PTK7: variants seen among roughly 807,000 people sequenced by gnomAD.
PTK7 encodes protein tyrosine kinase 7 (inactive), also known as inactive tyrosine-protein kinase 7.
PTK7 carries 39 observed loss-of-function variants against 116.6 expected under a neutral mutation model. The observed-to-expected ratio is 0.33, with a 90% CI of 0.26 to 0.44. PTK7 has a LOEUF of 0.44. Ranked by LOEUF, PTK7 falls within the 20% of genes least tolerant of loss-of-function variation. The pLI, the probability that PTK7 is intolerant of heterozygous loss-of-function variation, is 1.00. For missense variants in PTK7, 1,169 were observed against 1,425.6 expected (o/e 0.82, Z 2.90); for synonymous variants, 546 against 563.6 (o/e 0.97, Z 0.44).
rs770581737 is a variant in PTK7 at position 43,143,455 on chromosome 6, C to T, written c.2086C>T (p.Pro696Ser). The change falls in exon 14 of 20, where the codon CCT (proline) becomes TCT (serine). Residue 696 changes from proline (P) to serine (S), a missense_variant. Transcript: ENST00000230419. The surrounding 1 kb of genome is among the most constrained non-coding windows in gnomAD (Gnocchi z 4.2). The stretch of plus-strand genomic sequence containing the variant: ...GGAGGAGTCGGAGGGCCCTGGCAGC[C>T]CTCCCCCCTACAAGATGATCCAGAC... ...VPEESEGPGS[P>S]PPYKMIQTIG... 41 of 1,613,918 alleles carry T rather than the reference C, an allele frequency of 2.5e-5. No individual in the cohort carries two copies. The highest frequency in any genetic ancestry group is 3.5e-5 in the Non-Finnish European group (41 of 1,180,026).
At chr6:43,138,087 G>A (rs909539863) in intron 7 of PTK7, among the ~76,000 whole-genome samples, 1 of 152,214 alleles carries the variant, frequency 6.6e-6, no homozygotes, top group Non-Finnish European at 1.5e-5. Context: ...GGGATTACAG[G>A]CGTGAGCCAC....
intron 17 of PTK7, among the ~76,000 whole-genome samples, chr6:43,157,359 TATATATTTTTTTTTTTC>T (rs1411133132): frequency 0.014 from 118 of 8,298 alleles, 10 homozygotes; most frequent in African/African-American, 0.045. Context: ...TATATATATA[TATATATTTTTTTTTTTC>T]TTTTTTTTTT....
chr6:43,088,667 G>A (rs1345213454), intron 1 of PTK7, among the ~76,000 whole-genome samples: 1 of 151,922 alleles, frequency 6.6e-6, no homozygotes, highest in Non-Finnish European at 1.5e-5. Context: ...ATTCCAACCT[G>A]GGTGAGAGTG....
intron 17 of PTK7, among the ~76,000 whole-genome samples, chr6:43,148,265 G>C (rs534127362): frequency 5.9e-5 from 9 of 151,356 alleles, no homozygotes; most frequent in Admixed American, 2.0e-4. Context: ...AGGGAGGGGA[G>C]GGGGGGAAAG....
At chr6:43,096,333 GT>G (rs1767249297) in intron 1 of PTK7, among the ~76,000 whole-genome samples, 2 of 152,060 alleles carry the variant, frequency 1.3e-5, no homozygotes. Context: ...TGTAAATTGG[GT>G]TCTTCACACT....
Position 43,129,629 on chromosome 6 carries a change from CCTCG to C in PTK7, c.368-97_368-94del, listed in dbSNP as rs1217978999. 1 of 1,060,364 alleles carries C rather than the reference CCTCG, an allele frequency of 9.4e-7. No individual in the cohort carries two copies. Among genetic ancestry groups the C allele is most frequent in the Non-Finnish European group, 1.4e-6 (1 of 691,864 alleles). 65.7% of individuals were successfully genotyped at this position (1,060,364 alleles called of 1,614,324 possible). On this transcript the variant is annotated intron_variant, in intron 2 of 19. Coordinates refer to ENST00000230419, the MANE Select transcript of PTK7 (RefSeq NM_002821.5). This position sits in a 1 kb window ranked among gnomAD's most constrained non-coding sequence, Gnocchi z 4.5. ...CTTCCTTGTGTCTGTTGGCACAGAG[CCTCG>C]AGGTTCCACGGCTTCCTGCTTGTCC...
In PTK7 at chr6:43,132,132, C is replaced by T. The variant is rs1229664517; in HGVS notation, c.929C>T (p.Pro310Leu). ...RCIGQGQRGP[P>L]IILEATLHLA... ...ATTGGCCAGGGGCAGAGGGGCCCAC[C>T]CATCATCCTGGAAGCCACACTTCAC... The change falls in exon 6 of 20, where the codon CCC (proline) becomes CTC (leucine). Residue 310 changes from proline to leucine, a missense_variant. Transcript: ENST00000230419. 5 of 1,612,372 alleles carry T rather than the reference C, an allele frequency of 3.1e-6. No homozygotes were observed. Among genetic ancestry groups the T allele is most frequent in the Admixed American group, 3.3e-5 (2 of 59,942 alleles).
chr6:43,099,087 A>G (rs1008130650), intron 1 of PTK7, among the ~76,000 whole-genome samples: 24 of 151,864 alleles, frequency 1.6e-4, no homozygotes, highest in Admixed American at 1.4e-3. Context: ...TATAAAATAG[A>G]TAAGTCATTT....
chr6:43,153,878 A>G (rs1414259997), intron 17 of PTK7, among the ~76,000 whole-genome samples: 1 of 152,054 alleles, frequency 6.6e-6, no homozygotes, highest in Non-Finnish European at 1.5e-5. Context: ...TCTAAAAAAT[A>G]AAAATAGGCT....
chr6:43,128,356 C>T (rs1359371366), intron 1 of PTK7, among the ~76,000 whole-genome samples: 4 of 152,234 alleles, frequency 2.6e-5, no homozygotes, highest in Non-Finnish European at 4.4e-5. Flanking sequence ...GCTCAAGTCA[C>T]TACTGCCTGC....
intron 17 of PTK7, among the ~76,000 whole-genome samples, chr6:43,152,889 G>A (rs1771211882): frequency 6.6e-6 from 1 of 151,594 alleles, no homozygotes; most frequent in Non-Finnish European, 1.5e-5. Context: ...AGGTTCAAAT[G>A]ATTCTCCTGC....
intron 1 of PTK7, among the ~76,000 whole-genome samples, chr6:43,107,770 A>G (rs1767974268): frequency 6.6e-6 from 1 of 152,326 alleles, no homozygotes; most frequent in East Asian, 1.9e-4. Flanking sequence ...TCATGTTGGG[A>G]TAATGCGACC....
Position 43,141,454 on chromosome 6 carries a change from A to G in PTK7, c.1619-214A>G, listed in dbSNP as rs1770400577. Among the ~76,000 whole-genome samples, 1 of 152,122 alleles carries G rather than the reference A, an allele frequency of 6.6e-6. No individual in the cohort carries two copies. The highest frequency in any genetic ancestry group is 2.4e-5 in the African/African-American group (1 of 41,430). ...TCCGGTTTGGCAGACGTGGAATGTCACACAGGGCAGTAGGAGGAAGAGGTG... is the reference window on the plus strand; with the variant it reads ...TCCGGTTTGGCAGACGTGGAATGTCGCACAGGGCAGTAGGAGGAAGAGGTG... On this transcript the variant is annotated intron_variant, in intron 10 of 19. Coordinates refer to ENST00000230419, the MANE Select transcript of PTK7 (RefSeq NM_002821.5). This position sits in a 1 kb window ranked among gnomAD's most constrained non-coding sequence, Gnocchi z 4.9.
intron 1 of PTK7, among the ~76,000 whole-genome samples, chr6:43,121,485 C>T (rs949492771): frequency 6.6e-6 from 1 of 152,218 alleles, no homozygotes; most frequent in Non-Finnish European, 1.5e-5. Context: ...AGGGCAAGGT[C>T]TGGGATGGAT....
At chr6:43,132,749 G>T (rs950178442) in intron 7 of PTK7, 62 bp downstream of exon 7, 1 of 1,548,294 alleles carries the variant, frequency 6.5e-7, no homozygotes, top group Non-Finnish European at 8.7e-7. Flanking sequence ...TGGGTGTGAT[G>T]GACAGAGGCT....
rs781225165 is a variant in PTK7, at chr6:43,160,864, G to A, written c.3196G>A (p.Val1066Met). Residue 1066 changes from valine (V) to methionine (M), a missense_variant, in exon 20 of 20, where the codon GTG becomes ATG. Val to Met is a conservative substitution (Grantham distance 21, BLOSUM62 1). Coordinates refer to ENST00000230419, the MANE Select transcript of PTK7 (RefSeq NM_002821.5). Reference protein sequence around the residue: ...EIASALGDSTVDSKP With the variant: ...EIASALGDSTMDSKP ...TGCCAGCGCCCTGGGAGACAGCACC[G>A]TGGACAGCAAGCCGTGAGGAGGGAG... 79 of 1,613,872 alleles carry A rather than the reference G, an allele frequency of 4.9e-5. 1 individual carries two copies. The South Asian group carries it at 6.3e-4, about 13-fold the overall frequency.
Position 43,145,545 on chromosome 6 carries a change from G to A in PTK7, c.2640+113G>A, listed in dbSNP as rs114101446. ...AACCTTGTCTCGTGCAGTCTCAGCC[G>A]AGACCTCACCTGCCTGCTGTTACAC... On this transcript the variant is annotated intron_variant, in intron 16 of 19. Coordinates refer to ENST00000230419, the MANE Select transcript of PTK7 (RefSeq NM_002821.5). The surrounding 1 kb of genome is among the most constrained non-coding windows in gnomAD (Gnocchi z 4.8). The A allele has an allele frequency of 4.0e-4, 325 of 817,808 alleles. No homozygotes were observed. In the African/African-American group the frequency reaches 4.7e-3, roughly 12 times the overall value. 50.7% of individuals were successfully genotyped at this position (817,808 alleles called of 1,614,324 possible). A position where few individuals can be genotyped will look rare whatever the true frequency, so the allele number is the denominator to read the frequency against.
At chr6:43,092,122 A>G (rs936710221) in intron 1 of PTK7, among the ~76,000 whole-genome samples, 19 of 152,102 alleles carry the variant, frequency 1.2e-4, no homozygotes, top group Non-Finnish European at 2.9e-5. Flanking sequence ...CGGCCTCCCA[A>G]AGTGCTGGGA....
At chr6:43,081,509 A>G (rs1273976239) in intron 1 of PTK7, among the ~76,000 whole-genome samples, 1 of 151,974 alleles carries the variant, frequency 6.6e-6, no homozygotes, top group Non-Finnish European at 1.5e-5. Flanking sequence ...GGTTCAAGTG[A>G]TTCTCCTACC....
Sources: gnomAD v4.1 joint callset for allele counts (sites outside exome capture counted in the v4.1 genomes callset) on GRCh38, gnomAD v4.1.1 for gene constraint, Gnocchi (gnomAD v3.1) non-coding constraint, MANE v1.5 for transcripts, NCBI Gene and HGNC (gene_info 2026-07-23, HGNC 2026-07-21) for gene names.